The following HHLA2 variants were observed in gnomAD, a reference collection of about 807,000 sequenced individuals.
HHLA2 encodes HERV-H LTR-associating protein 2.
Under a neutral mutation model 45.9 loss-of-function variants are expected in HHLA2, and 48 were observed. The ratio of observed to expected loss-of-function variants is 1.05; its 90% CI spans 0.83 to 1.33. The LOEUF (loss-of-function observed/expected upper bound fraction) is 1.33, where lower values mean the gene tolerates loss of function less well. Among genes scored for constraint, HHLA2 ranks in the 40% most tolerant of loss-of-function variants. The pLI is 0.00. For missense variants in HHLA2, 462 were observed against 494.3 expected (o/e 0.93, Z 0.62); for synonymous variants, 161 against 173.9 (o/e 0.93, Z 0.59).
In HHLA2 at chr3:108,310,718, T is replaced by C. The variant is rs945116246; in HGVS notation, c.-128T>C. 3 of 152,684 alleles carry C rather than the reference T, an allele frequency of 2.0e-5. No individual in the cohort carries two copies. The South Asian group carries it at 6.2e-4, about 32-fold the overall frequency. 9.5% of individuals were successfully genotyped at this position (152,684 alleles called of 1,614,324 possible). On this transcript the variant is annotated 5_prime_UTR_variant, in exon 2 of 11. Transcript: ENST00000619531. ...GCTGATTTGAAAGCTTGAGAGACCA[T>C]CAAGAATTGGATTTGGGGAAGAGGT...
rs2081973970 is a variant in HHLA2 at position 108,360,859 on chromosome 3, A to AAAT, written c.1004-1481_1004-1479dup. Among the ~76,000 whole-genome samples, 5 of 152,346 alleles carry AAAT rather than the reference A, an allele frequency of 3.3e-5. No individual in the cohort carries two copies. In the South Asian group the frequency reaches 1.0e-3, roughly 32 times the overall value. ...CCTGCGTGGAATTTCAGAATGACAC[A>AAAT]AATAGGTGGAGAGATTAATATTTTA... On this transcript the variant is annotated intron_variant, in intron 7 of 10. Coordinates refer to ENST00000619531, the Ensembl canonical transcript of HHLA2.
chr3:108,358,737 CTT>C (rs1388090092), intron 7 of HHLA2, among the ~76,000 whole-genome samples: 2 of 152,162 alleles, frequency 1.3e-5, no homozygotes, highest in Non-Finnish European at 2.9e-5. Context: ...TGAAGCTGAC[CTT>C]CTAGGTGAGC....
intron 2 of HHLA2, among the ~76,000 whole-genome samples, chr3:108,325,294 ACTAAAATAACCT>A (rs1367681131): frequency 2.8e-4 from 42 of 152,220 alleles, no homozygotes; most frequent in African/African-American, 9.4e-4. Context: ...ACAAACAGAA[ACTAAAATAACCT>A]CTAATGCAAT....
intron 3 of HHLA2, among the ~76,000 whole-genome samples, chr3:108,331,989 G>A (rs1399539302): frequency 6.6e-6 from 1 of 152,098 alleles, no homozygotes; most frequent in Non-Finnish European, 1.5e-5. Context: ...TGGCAAGCGA[G>A]ATCACTAAAA....
At chr3:108,334,396 T>C (rs1560220906) in intron 3 of HHLA2, among the ~76,000 whole-genome samples, 1 of 152,204 alleles carries the variant, frequency 6.6e-6, no homozygotes, top group Non-Finnish European at 1.5e-5. Context: ...AAGGTACGAG[T>C]ATCTGCATGT....
exon 11 of HHLA2, chr3:108,377,258 C>A (rs372264540): frequency 1.9e-6 from 3 of 1,559,366 alleles, no homozygotes; most frequent in East Asian, 4.5e-5. Flanking sequence ...TTGCTTCTAG[C>A]CTCTTTCAGG....
intron 5 of HHLA2, 48 bp from the exon 5 acceptor site, chr3:108,355,067 G>A (rs1487295833): frequency 4.5e-6 from 7 of 1,561,570 alleles, no homozygotes; most frequent in East Asian, 2.3e-5. Context: ...GGCCTATAAA[G>A]AAGCTAATGA....
chr3:108,304,828 C>G (rs1027629569), intron 1 of HHLA2, among the ~76,000 whole-genome samples: 2 of 152,200 alleles, frequency 1.3e-5, no homozygotes, highest in Non-Finnish European at 2.9e-5. Flanking sequence ...CAGCATCATT[C>G]TTGTTAGTTT....
intron 3 of HHLA2, among the ~76,000 whole-genome samples, chr3:108,331,862 T>C (rs1368670941): frequency 1.3e-5 from 2 of 152,110 alleles, no homozygotes; most frequent in African/African-American, 2.4e-5. Flanking sequence ...CCCTCCCCAT[T>C]CTACCTTGAT....
chr3:108,313,049 G>T (rs957589522), intron 2 of HHLA2, among the ~76,000 whole-genome samples: 15 of 152,224 alleles, frequency 9.9e-5, no homozygotes, highest in Admixed American at 5.2e-4. Flanking sequence ...GTCTGGAGAG[G>T]CTAGTTTTCA....
chr3:108,301,187 A>G (rs1202303864), intron 1 of HHLA2, among the ~76,000 whole-genome samples: 1 of 152,192 alleles, frequency 6.6e-6, no homozygotes, highest in Admixed American at 6.6e-5. Flanking sequence ...TATGCAAAAC[A>G]TTATATCCTA....
chr3:108,323,074 C>A (rs1310126973), intron 2 of HHLA2, among the ~76,000 whole-genome samples: 3 of 150,026 alleles, frequency 2.0e-5, no homozygotes, highest in Non-Finnish European at 4.4e-5. Flanking sequence ...GTTTTGACCT[C>A]ACCTCTTTTT....
intron 2 of HHLA2, among the ~76,000 whole-genome samples, chr3:108,322,245 G>C (rs974314795): frequency 3.9e-5 from 6 of 152,188 alleles, no homozygotes; most frequent in South Asian, 2.1e-4. Flanking sequence ...TACAGGCTGG[G>C]TCTCTGTGTT....
chr3:108,325,580 TC>T, intron 2 of HHLA2: 1 of 252,990 alleles, frequency 4.0e-6, no homozygotes, highest in Non-Finnish European at 7.8e-6. Flanking sequence ...AGTATTGGCC[TC>T]CCCCACCATA....
intron 1 of HHLA2, among the ~76,000 whole-genome samples, chr3:108,296,955 T>A (rs1324190866): frequency 6.6e-6 from 1 of 152,264 alleles, no homozygotes; most frequent in Non-Finnish European, 1.5e-5. Flanking sequence ...TACTTGTAAT[T>A]GTTCATCTAG....
rs1189774735 is a variant in HHLA2, at chr3:108,375,110, G to A, written c.1109-640G>A. On this transcript the variant is annotated intron_variant, in intron 8 of 10. Transcript: ENST00000619531. ...GTCCAACAATGATAGACTGGATTAA[G>A]AAAATGTGACACATATACACCATGG... 1.5e-4 allele frequency among the ~76,000 whole-genome samples: 22 copies of A among 151,670 alleles called. No individual in the cohort carries two copies. The South Asian group carries it at 4.6e-3, about 32-fold the overall frequency.
chr3:108,372,945 C>T (rs60372249), intron 8 of HHLA2, among the ~76,000 whole-genome samples: 12,074 of 151,126 alleles, frequency 0.08, 644 homozygotes, highest in African/African-American at 0.16. Flanking sequence ...TTCCAATCAA[C>T]ACAAAAAGAG....
chr3:108,328,294 A>C, exon 3 of HHLA2: 1 of 1,527,768 alleles, frequency 6.5e-7, no homozygotes, highest in Non-Finnish European at 8.8e-7. Flanking sequence ...CTAACCCTGC[A>C]CAGATTGTGA....
chr3:108,342,933 T>C (rs1043543033), intron 3 of HHLA2, among the ~76,000 whole-genome samples: 3 of 152,190 alleles, frequency 2.0e-5, no homozygotes, highest in African/African-American at 4.8e-5. Context: ...GGAGCCCTTC[T>C]TCCTGCCTGC....
Sources: allele counts gnomAD v4.1 joint callset (sites outside exome capture counted in the v4.1 genomes callset), GRCh38; gene constraint gnomAD v4.1.1; transcripts MANE v1.5; gene names NCBI Gene and HGNC (gene_info 2026-07-23, HGNC 2026-07-21).